UBE3B: variants seen among roughly 807,000 people sequenced by gnomAD.
The protein encoded by UBE3B is ubiquitin-protein ligase E3B.
In UBE3B, 80 loss-of-function variants were observed where a neutral mutation model predicts 132.3. The observed-to-expected ratio is 0.60, with a 90% CI of 0.50 to 0.73. UBE3B has a LOEUF of 0.73. UBE3B is among the 30% of genes least tolerant of loss of function. UBE3B has a pLI of 0.00. For missense variants in UBE3B, 1,196 were observed against 1,362.5 expected (o/e 0.88, Z 1.92); for synonymous variants, 487 against 520.4 (o/e 0.94, Z 0.87).
At chr12:109,498,582 G>A (rs1177323219) in intron 11 of UBE3B, among the ~76,000 whole-genome samples, 7 of 152,204 alleles carry the variant, frequency 4.6e-5, no homozygotes, top group Non-Finnish European at 1.0e-4. Flanking sequence ...AACATTAGAT[G>A]TCAGCCTTTA....
Position 109,534,796 on chromosome 12 carries a change from C to T in UBE3B, c.*14C>T. ...GAACTCTCCTAGCTCCTGTCCCAGC[C>T]CTGCCTCCAGGGCTCCTGGGCTGCC... On this transcript the variant is annotated 3_prime_UTR_variant, in exon 28 of 28. Transcript: ENST00000342494. This position sits in a 1 kb window ranked among gnomAD's most constrained non-coding sequence, Gnocchi z 5.2. 1 of 1,492,120 alleles carries T rather than the reference C, an allele frequency of 6.7e-7. No homozygotes were observed. The highest frequency in any genetic ancestry group is 8.9e-7 in the Non-Finnish European group (1 of 1,119,194). 92.4% of individuals were successfully genotyped at this position (1,492,120 alleles called of 1,614,324 possible). A position where few individuals can be genotyped will look rare whatever the true frequency, so the allele number is the denominator to read the frequency against.
At position 109,501,480 on chromosome 12, in the gene UBE3B, C is replaced by T. The variant is rs536579251; in HGVS notation, c.1228C>T (p.Gln410Ter). Residue 410 changes from glutamine (Q) to a stop codon, truncating the protein, a stop_gained, in exon 13 of 28, where the codon CAG becomes TAG. Coordinates refer to ENST00000342494, the MANE Select transcript of UBE3B (RefSeq NM_130466.4). LOFTEE classifies it high-confidence loss of function. ...DILSKKLLES[Q>*]EPAHAQPASP... Reference sequence around the variant, plus strand: ...CCTGAGCAAGAAGCTACTGGAGAGCCAGGAGCCAGCCCACGCACAGCCAGC... The same window carrying T: ...CCTGAGCAAGAAGCTACTGGAGAGCTAGGAGCCAGCCCACGCACAGCCAGC... 6.2e-7 allele frequency: 1 copy of T among 1,614,204 alleles called. No homozygotes were observed. The highest frequency in any genetic ancestry group is 8.5e-7 in the Non-Finnish European group (1 of 1,180,038).
At chr12:109,485,333 C>A (rs11066856) in intron 4 of UBE3B, among the ~76,000 whole-genome samples, 5 of 152,218 alleles carry the variant, frequency 3.3e-5, no homozygotes, top group African/African-American at 1.2e-4. Flanking sequence ...CGGGCAAGAT[C>A]TCTACGCTCA....
intron 24 of UBE3B, chr12:109,528,313 C>T (rs969089681): frequency 1.0e-6 from 1 of 984,932 alleles, no homozygotes; most frequent in African/African-American, 1.7e-5. Context: ...CCTTCCTCTC[C>T]CCCTTTCTCA....
intron 15 of UBE3B, among the ~76,000 whole-genome samples, chr12:109,508,158 C>T (rs922562674): frequency 6.6e-6 from 1 of 152,220 alleles, no homozygotes; most frequent in Non-Finnish European, 1.5e-5. Flanking sequence ...TCAGTTGACT[C>T]ATCTGTAAAT....
At chr12:109,516,933 A>T in intron 19 of UBE3B, 49 bp downstream of exon 19, 1 of 1,594,940 alleles carries the variant, frequency 6.3e-7, no homozygotes, top group Non-Finnish European at 8.6e-7. Flanking sequence ...GGGCCCTGCA[A>T]CATGGAAGCT....
chr12:109,499,442 A>T (rs1360844036), intron 11 of UBE3B, among the ~76,000 whole-genome samples, 191 bp from the exon 12 acceptor site: 1 of 152,230 alleles, frequency 6.6e-6, no homozygotes, highest in Non-Finnish European at 1.5e-5. Flanking sequence ...CATAGCCAGG[A>T]TTTGAAGTCA....
Position 109,524,025 on chromosome 12 carries a change from G to A in UBE3B, c.2412G>A (p.Leu804=). ...VPFASFFLSQ[L]LGHHHSVFYS... is the part of the protein sequence containing the mutation. ...TTGCATCCTTCTTCCTGAGCCAACT[G>A]CTTGGGCACCACCACAGCGTCTTCT... Residue 804 remains leucine, a synonymous_variant, in exon 22 of 28, where the codon CTG becomes CTA. Transcript: ENST00000342494. The A allele has an allele frequency of 6.2e-7, 1 of 1,614,150 alleles. No homozygotes were observed.
At position 109,533,457 on chromosome 12, in the gene UBE3B, G is replaced by A. The variant is rs774882565; in HGVS notation, c.2923-9G>A. 8 of 1,613,902 alleles carry A rather than the reference G, an allele frequency of 5.0e-6. No homozygotes were observed. The highest frequency in any genetic ancestry group is 5.9e-6 in the Non-Finnish European group (7 of 1,179,790). On this transcript the variant is annotated splice_polypyrimidine_tract_variant and intron_variant, in intron 26 of 27. Transcript: ENST00000342494. ...GCCCCGTCCCCACTGACCCTGCTTT[G>A]TGTTGCAGTTCGTGACCAGCTGCTC...
chr12:109,502,977 C>T (rs773828131), intron 13 of UBE3B, 46 bp from the exon 14 acceptor site: 2 of 1,612,348 alleles, frequency 1.2e-6, no homozygotes, highest in Admixed American at 3.3e-5. Context: ...TGGGATTTGG[C>T]AGCTGGCTGA....
chr12:109,506,699 G>A (rs1046387972), intron 14 of UBE3B, among the ~76,000 whole-genome samples: 3 of 152,246 alleles, frequency 2.0e-5, no homozygotes, highest in African/African-American at 7.2e-5. Context: ...TTGTGCTGTA[G>A]TGGTAGCACT....
chr12:109,499,969 A>T (rs2135916154), intron 12 of UBE3B, among the ~76,000 whole-genome samples, 159 bp downstream of exon 12: 1 of 152,348 alleles, frequency 6.6e-6, no homozygotes, highest in South Asian at 2.1e-4. Flanking sequence ...AAAAGAGGAT[A>T]AAAACCAGCC....
chr12:109,494,018 G>T (rs989641235), intron 9 of UBE3B, among the ~76,000 whole-genome samples: 12 of 152,164 alleles, frequency 7.9e-5, no homozygotes, highest in African/African-American at 2.9e-4. Flanking sequence ...TAGAGACAGG[G>T]TCTCACTATA....
intron 14 of UBE3B, among the ~76,000 whole-genome samples, chr12:109,504,542 G>C (rs950671237): frequency 6.6e-6 from 1 of 152,180 alleles, no homozygotes; most frequent in Non-Finnish European, 1.5e-5. Flanking sequence ...GGAGAAGACC[G>C]GGGGCAGGGC....
intron 12 of UBE3B, among the ~76,000 whole-genome samples, chr12:109,500,698 T>G (rs1399134850): frequency 6.6e-6 from 1 of 152,184 alleles, no homozygotes. Flanking sequence ...TTGGAGGGAC[T>G]TGGACGACTT....
intron 24 of UBE3B, among the ~76,000 whole-genome samples, chr12:109,528,924 C>T (rs1053270860): frequency 3.3e-5 from 5 of 151,916 alleles, no homozygotes; most frequent in South Asian, 2.1e-4. Flanking sequence ...TTTGGGAGGC[C>T]GAGACGGGCA....
chr12:109,515,319 C>A (rs572314590), intron 18 of UBE3B, among the ~76,000 whole-genome samples: 4 of 152,044 alleles, frequency 2.6e-5, no homozygotes, highest in Admixed American at 1.3e-4. Context: ...CTAGCACCCA[C>A]TGGTATATAG....
At chr12:109,539,660 G>T (rs543366313), downstream of UBE3B, among the ~76,000 whole-genome samples, 1 of 152,230 alleles carries the variant, frequency 6.6e-6, no homozygotes, top group Non-Finnish European at 1.5e-5. Flanking sequence ...TGTGATAACT[G>T]TCATTATTTT....
Position 109,503,261 on chromosome 12 carries a change from G to GT in UBE3B, c.1450+78dup, listed in dbSNP as rs1181420983. 6 of 1,558,050 alleles carry GT rather than the reference G, an allele frequency of 3.9e-6. No homozygotes were observed. In the African/African-American group the frequency reaches 5.5e-5, roughly 14 times the overall value. ...ACAGTTTGTCTTAGCAAAAGTCGAT[G>GT]TTTTTTTCTGGCTTCTTTGACTCTG... is the stretch of plus-strand genomic sequence containing the variant. On this transcript the variant is annotated intron_variant, in intron 14 of 27. Transcript: ENST00000342494.
Sources: gnomAD v4.1 joint callset for allele counts (sites outside exome capture counted in the v4.1 genomes callset) on GRCh38, gnomAD v4.1.1 for gene constraint, Gnocchi (gnomAD v3.1) non-coding constraint, MANE v1.5 for transcripts, NCBI Gene and HGNC (gene_info 2026-07-23, HGNC 2026-07-21) for gene names.